The following PDE11A variants were observed in gnomAD, a reference collection of about 807,000 sequenced individuals.
PDE11A encodes the protein phosphodiesterase 11A.
In PDE11A, 100 loss-of-function variants were observed where a neutral mutation model predicts 100.5. The observed-to-expected ratio is 1.00, with a 90% CI of 0.85 to 1.18. The LOEUF (loss-of-function observed/expected upper bound fraction) is 1.18, where lower values mean the gene tolerates loss of function less well. PDE11A is among the 50% of genes most tolerant of loss of function. The pLI, the probability that PDE11A is intolerant of heterozygous loss-of-function variation, is 0.00. For missense variants in PDE11A, 1,141 were observed against 1,152.6 expected (o/e 0.99, Z 0.15); for synonymous variants, 381 against 420.8 (o/e 0.91, Z 1.16).
chr2:177,970,614 T>C (rs1379430802), intron 2 of PDE11A, among the ~76,000 whole-genome samples: 1 of 151,900 alleles, frequency 6.6e-6, no homozygotes, highest in African/African-American at 2.4e-5. Flanking sequence ...CAAACAGAAA[T>C]GACCTGTGGG....
At chr2:177,930,099 A>AG (rs71010832) in intron 2 of PDE11A, among the ~76,000 whole-genome samples, 1 of 152,172 alleles carries the variant, frequency 6.6e-6, no homozygotes. Flanking sequence ...GCTTATTCTT[A>AG]ATTCAATTGA....
Position 177,670,586 on chromosome 2 carries a change from A to G in PDE11A, c.2488-1019T>C, listed in dbSNP as rs550739099. Among the ~76,000 whole-genome samples the G allele has an allele frequency of 2.0e-5, 3 of 152,314 alleles. No individual in the cohort carries two copies. The East Asian group carries it at 5.8e-4, about 29-fold the overall frequency. On this transcript the variant is annotated intron_variant, in intron 17 of 19. Coordinates refer to ENST00000286063, the MANE Select transcript of PDE11A (RefSeq NM_016953.4). ...AACTTCATGGTAAGAGGGCATGGAT[A>G]CCAAACAAATTTTTCTCTATTCCAA...
intron 19 of PDE11A, among the ~76,000 whole-genome samples, chr2:177,631,588 CACACAT>C (rs2079944703): frequency 3.3e-5 from 1 of 30,546 alleles, no homozygotes; most frequent in African/African-American, 9.7e-5. Context: ...TATATATACA[CACACAT>C]ATATATGTGT....
rs964294106 is a variant in PDE11A, at chr2:178,103,664, G to GAT, written c.162+636_162+637dup. Among the ~76,000 whole-genome samples the GAT allele has an allele frequency of 5.3e-5, 8 of 150,684 alleles. No homozygotes were observed. The South Asian group carries it at 8.4e-4, about 16-fold the overall frequency. On this transcript the variant is annotated intron_variant, in intron 2 of 20. Coordinates refer to the PDE11A transcript ENST00000358450. ...GTTATACCCTATTTTGAAAAAAGGT[G>GAT]ATATATATATATAATCTCAAAAAAG...
intron 9 of PDE11A, among the ~76,000 whole-genome samples, chr2:177,773,177 C>T (rs75728552): frequency 3.3e-5 from 5 of 152,028 alleles, no homozygotes; most frequent in Admixed American, 6.6e-5. Flanking sequence ...CACACCACCA[C>T]GCCCAGGTAA....
At chr2:177,756,936 T>C (rs2082098588) in intron 10 of PDE11A, among the ~76,000 whole-genome samples, 2 of 152,146 alleles carry the variant, frequency 1.3e-5, no homozygotes, top group African/African-American at 4.8e-5. Flanking sequence ...TAAACCAAGA[T>C]TATTCAAGGG....
intron 1 of PDE11A, among the ~76,000 whole-genome samples, chr2:178,024,222 G>C (rs556972918): frequency 8.5e-5 from 13 of 152,188 alleles, no homozygotes; most frequent in African/African-American, 2.9e-4. Context: ...GACCAGCCCG[G>C]CTAACAAGCT....
chr2:177,937,946 A>G (rs1205553045), intron 2 of PDE11A, among the ~76,000 whole-genome samples: 1 of 152,238 alleles, frequency 6.6e-6, no homozygotes, highest in Non-Finnish European at 1.5e-5. Flanking sequence ...AGACAAAAGG[A>G]CATATCATAT....
At chr2:177,896,229 C>T (rs547241524) in intron 4 of PDE11A, among the ~76,000 whole-genome samples, 40 of 152,232 alleles carry the variant, frequency 2.6e-4, no homozygotes, top group African/African-American at 8.7e-4. Context: ...CTACTTTATA[C>T]CATGAAGATA....
intron 5 of PDE11A, among the ~76,000 whole-genome samples, chr2:177,862,723 T>A (rs1019937922): frequency 6.6e-6 from 1 of 151,870 alleles, no homozygotes; most frequent in Non-Finnish European, 1.5e-5. Flanking sequence ...TGCTCCTGGA[T>A]TGGAAGAAGT....
At chr2:177,944,798 C>T (rs116591119) in intron 2 of PDE11A, among the ~76,000 whole-genome samples, 7,084 of 145,176 alleles carry the variant, frequency 0.049, 219 homozygotes, top group Non-Finnish European at 0.065. Flanking sequence ...ATAGAAGATG[C>T]GAGCGCTCTC....
intron 1 of PDE11A, among the ~76,000 whole-genome samples, chr2:178,048,125 A>G (rs991416209): frequency 1.3e-5 from 2 of 152,234 alleles, no homozygotes; most frequent in African/African-American, 4.8e-5. Context: ...TGGGTGAAAG[A>G]TAATGGTGAC....
At chr2:177,639,854 T>C (rs903250271) in intron 19 of PDE11A, among the ~76,000 whole-genome samples, 7 of 152,210 alleles carry the variant, frequency 4.6e-5, no homozygotes, top group Admixed American at 2.6e-4. Flanking sequence ...AGTACTCCTA[T>C]ACTCTGTTGT....
intron 10 of PDE11A, among the ~76,000 whole-genome samples, chr2:177,754,115 C>A (rs989961348): frequency 3.3e-5 from 5 of 152,120 alleles, no homozygotes; most frequent in Non-Finnish European, 5.9e-5. Context: ...TCAAAGCCTG[C>A]CATTGGCTGG....
At chr2:177,644,778 A>G (rs192366627) in intron 19 of PDE11A, among the ~76,000 whole-genome samples, 39 of 152,296 alleles carry the variant, frequency 2.6e-4, no homozygotes, top group Non-Finnish European at 2.2e-4. Context: ...CGTAGGAGGA[A>G]CCCAGTGGGA....
intron 2 of PDE11A, among the ~76,000 whole-genome samples, chr2:177,934,982 G>A (rs1035388747): frequency 6.6e-6 from 1 of 152,144 alleles, no homozygotes; most frequent in Non-Finnish European, 1.5e-5. Context: ...GGGAGTAAGG[G>A]TTGAGAAACT....
intron 7 of PDE11A, 57 bp from the exon 8 acceptor site, chr2:177,817,982 T>A: frequency 1.2e-6 from 1 of 841,386 alleles, no homozygotes; most frequent in Non-Finnish European, 2.1e-6. Context: ...TGTGTTTCTC[T>A]AATAGAGTAG....
At position 177,875,801 on chromosome 2, in the gene PDE11A, G is replaced by T. The variant is rs1233744351; in HGVS notation, c.1367+58C>A. 5.6e-6 allele frequency: 6 copies of T among 1,072,858 alleles called. No individual in the cohort carries two copies. The Admixed American group carries it at 1.0e-4, about 18-fold the overall frequency. The allele number at this position is 1,072,858 out of a possible 1,614,324, so 66.5% of individuals were successfully genotyped here. The stretch of plus-strand genomic sequence containing the variant: ...TACTATCTTCTAAGAATTATGCAAT[G>T]CTGCTAACACCAAGGACAAAAGAAC... On this transcript the variant is annotated intron_variant, in intron 5 of 19. Transcript: ENST00000286063.
chr2:177,682,439 C>T (rs1214749365), intron 15 of PDE11A, among the ~76,000 whole-genome samples: 1 of 152,212 alleles, frequency 6.6e-6, no homozygotes, highest in Non-Finnish European at 1.5e-5. Flanking sequence ...TTGATTAAGT[C>T]CTGTCACAGA....
Sources: gnomAD v4.1 joint callset for allele counts (sites outside exome capture counted in the v4.1 genomes callset) on GRCh38, gnomAD v4.1.1 for gene constraint, MANE v1.5 for transcripts, NCBI Gene and HGNC (gene_info 2026-07-23, HGNC 2026-07-21) for gene names.